Variants in OLFM3 observed in about 807,000 individuals in gnomAD.
The protein encoded by OLFM3 is olfactomedin 3.
In OLFM3, 20 loss-of-function variants were observed where a neutral mutation model predicts 48.6. The ratio of observed to expected loss-of-function variants is 0.41; its 90% CI spans 0.29 to 0.60. OLFM3 has a LOEUF of 0.60. Ranked by LOEUF, OLFM3 falls within the 20% of genes least tolerant of loss-of-function variation. The probability of loss-of-function intolerance (pLI) is 0.28; values close to 1 mark genes in which losing one functional copy is unlikely to be tolerated. For missense variants in OLFM3, 437 were observed against 544.3 expected, an observed-to-expected ratio of 0.80 and a Z score of 1.96; for synonymous variants, 222 against 198.1, an observed-to-expected ratio of 1.12 and a Z score of -1.01.
chr1:101,891,681 T>C (rs1204227399), intron 1 of OLFM3, among the ~76,000 whole-genome samples: 3 of 151,996 alleles, frequency 2.0e-5, no homozygotes, highest in Non-Finnish European at 2.9e-5. Flanking sequence ...ATTCATTTTT[T>C]GTAGACAAGC....
intron 1 of OLFM3, among the ~76,000 whole-genome samples, chr1:101,933,439 C>A (rs1439460710): frequency 6.6e-6 from 1 of 151,468 alleles, no homozygotes. Flanking sequence ...AAGAATGAAC[C>A]AAACCTCCAA....
intron 1 of OLFM3, among the ~76,000 whole-genome samples, chr1:101,918,712 G>C (rs376493568): frequency 6.6e-6 from 1 of 151,856 alleles, no homozygotes; most frequent in African/African-American, 2.4e-5. Flanking sequence ...ACGGGTTCTG[G>C]GGATTTGAAT....
In OLFM3 at chr1:101,825,366, TGGTTGAAATTA is replaced by T. The variant is rs1654813560; in HGVS notation, c.373-132_373-122del. The T allele has an allele frequency of 3.9e-5, 32 of 817,890 alleles. 1 individual carries two copies. The South Asian group carries it at 6.5e-4, about 17-fold the overall frequency. 50.7% of individuals were successfully genotyped at this position (817,890 alleles called of 1,614,324 possible). ...AGCTTCAACATTTCTTATTGATTTT[TGGTTGAAATTA>T]GGTATTTTGTGAAAATTTAAGCGGT... is the stretch of plus-strand genomic sequence containing the variant. On this transcript the variant is annotated intron_variant, in intron 3 of 5. Coordinates refer to ENST00000370103, the MANE Select transcript of OLFM3 (RefSeq NM_058170.4).
intron 1 of OLFM3, chr1:101,837,532 G>A (rs1655486845): frequency 6.6e-6 from 1 of 152,120 alleles, no homozygotes; most frequent in Non-Finnish European, 1.5e-5. Flanking sequence ...GATCATTGAC[G>A]ACATAGGTTA....
At chr1:101,967,550 C>T (rs1306777594) in intron 1 of OLFM3, among the ~76,000 whole-genome samples, 1 of 130,342 alleles carries the variant, frequency 7.7e-6, no homozygotes, top group Non-Finnish European at 1.5e-5. Flanking sequence ...TCCAAGGTGA[C>T]TGCTCGAGGT....
chr1:101,847,675 A>G (rs1656064814), intron 1 of OLFM3, among the ~76,000 whole-genome samples: 1 of 152,206 alleles, frequency 6.6e-6, no homozygotes, highest in African/African-American at 2.4e-5. Flanking sequence ...CCTTGCAGAA[A>G]AACTTCTGTT....
chr1:101,814,310 G>C (rs1654224711), intron 4 of OLFM3, among the ~76,000 whole-genome samples: 1 of 150,324 alleles, frequency 6.7e-6, no homozygotes, highest in Non-Finnish European at 1.5e-5. Context: ...AGATACTAGA[G>C]TTAACAATAA....
chr1:101,865,367 C>T (rs930249883), intron 1 of OLFM3, among the ~76,000 whole-genome samples: 1 of 152,166 alleles, frequency 6.6e-6, no homozygotes, highest in African/African-American at 2.4e-5. Context: ...TAAGGCTAAG[C>T]CTTTTCAATC....
chr1:101,835,525 G>T (rs1655360363), intron 2 of OLFM3, among the ~76,000 whole-genome samples: 1 of 152,186 alleles, frequency 6.6e-6, no homozygotes, highest in Admixed American at 6.5e-5. Context: ...TGTTGGCCAG[G>T]CTGTGTTGCC....
chr1:101,865,782 G>A (rs1262616900), intron 1 of OLFM3, among the ~76,000 whole-genome samples: 3 of 152,036 alleles, frequency 2.0e-5, no homozygotes. Context: ...GCAAATTCAA[G>A]GACTACGAGG....
intron 1 of OLFM3, among the ~76,000 whole-genome samples, chr1:101,984,247 CAAAAAAAAAAA>C (rs11313941): frequency 1.1e-5 from 1 of 89,658 alleles, no homozygotes; most frequent in African/African-American, 4.3e-5. Flanking sequence ...GACTCTGTCT[CAAAAAAAAAAA>C]AAAAAAAAAA....
chr1:101,824,675 AC>A (rs1553170413), intron 4 of OLFM3, among the ~76,000 whole-genome samples: 2 of 151,124 alleles, frequency 1.3e-5, no homozygotes, highest in East Asian at 1.9e-4. Flanking sequence ...AACAACAACA[AC>A]AACAACAAAA....
At chr1:101,835,158 T>C (rs1029382533) in intron 2 of OLFM3, among the ~76,000 whole-genome samples, 1 of 152,186 alleles carries the variant, frequency 6.6e-6, no homozygotes, top group Non-Finnish European at 1.5e-5. Flanking sequence ...AAAGAAGATT[T>C]GGTGAAGAAC....
chr1:101,877,715 G>A (rs529109731), intron 1 of OLFM3, among the ~76,000 whole-genome samples: 4 of 151,174 alleles, frequency 2.6e-5, no homozygotes, highest in South Asian at 4.2e-4. Context: ...TAGTATGTAC[G>A]ATCTTATTAA....
chr1:101,870,855 T>C (rs1396432165), intron 1 of OLFM3, among the ~76,000 whole-genome samples: 1 of 152,018 alleles, frequency 6.6e-6, no homozygotes, highest in Non-Finnish European at 1.5e-5. Context: ...ATGTATAATA[T>C]AAAAATTTTC....
At chr1:101,897,284 C>A (rs979740916) in intron 1 of OLFM3, among the ~76,000 whole-genome samples, 1 of 152,052 alleles carries the variant, frequency 6.6e-6, no homozygotes, top group African/African-American at 2.4e-5. Flanking sequence ...AAAATAGATA[C>A]CATTACTAAC....
At chr1:101,823,471 A>G (rs1654704520) in intron 4 of OLFM3, among the ~76,000 whole-genome samples, 1 of 151,784 alleles carries the variant, frequency 6.6e-6, no homozygotes, top group Admixed American at 6.6e-5. Context: ...TCTTATAACA[A>G]CTCCATGGTA....
chr1:101,865,939 A>C (rs1329206543), intron 1 of OLFM3, among the ~76,000 whole-genome samples: 2 of 152,222 alleles, frequency 1.3e-5, no homozygotes, highest in Non-Finnish European at 2.9e-5. Context: ...GATCAGAATC[A>C]TTCTTAAGGA....
chr1:101,826,251 T>C (rs976053177), intron 3 of OLFM3, among the ~76,000 whole-genome samples: 1 of 152,036 alleles, frequency 6.6e-6, no homozygotes, highest in Non-Finnish European at 1.5e-5. Context: ...TCACCTTGGG[T>C]TTCTAGACAT....
Sources: allele counts gnomAD v4.1 joint callset (sites outside exome capture counted in the v4.1 genomes callset), GRCh38; gene constraint gnomAD v4.1.1; transcripts MANE v1.5; gene names NCBI Gene and HGNC (gene_info 2026-07-23, HGNC 2026-07-21).